The following CEACAM4 variants were observed in gnomAD, a reference collection of about 807,000 sequenced individuals.
CEACAM4 encodes the protein cell adhesion molecule CEACAM4.
Under a neutral mutation model 28.7 loss-of-function variants are expected in CEACAM4, and 30 were observed. The ratio of observed to expected loss-of-function variants is 1.05; its 90% CI spans 0.78 to 1.42. The LOEUF is 1.42. Ranked by LOEUF, CEACAM4 falls within the 40% of genes most tolerant of loss-of-function variation. The pLI is 0.00. For missense variants in CEACAM4, 330 were observed against 308.2 expected, an observed-to-expected ratio of 1.07 and a Z score of -0.53; for synonymous variants, 143 against 126.5, an observed-to-expected ratio of 1.13 and a Z score of -0.87.
intron 3 of CEACAM4, among the ~76,000 whole-genome samples, chr19:41,621,021 T>C (rs781802160): frequency 3.9e-5 from 6 of 151,938 alleles, no homozygotes; most frequent in Non-Finnish European, 8.8e-5. Context: ...GCAAGGAGCA[T>C]GTATCATATT....
At chr19:41,622,704 A>C (rs2071364701) in intron 2 of CEACAM4, among the ~76,000 whole-genome samples, 1 of 152,222 alleles carries the variant, frequency 6.6e-6, no homozygotes, top group South Asian at 2.1e-4. Flanking sequence ...CATCAAAAAA[A>C]TAAGAATACT....
chr19:41,622,871 T>TAGAC (rs1270239663), intron 2 of CEACAM4, among the ~76,000 whole-genome samples: 1 of 126,468 alleles, frequency 7.9e-6, no homozygotes, highest in Non-Finnish European at 1.6e-5. Flanking sequence ...GATAGATAGA[T>TAGAC]AGATAGATAG....
chr19:41,622,476 T>C (rs1406957974), intron 2 of CEACAM4, among the ~76,000 whole-genome samples: 1 of 152,146 alleles, frequency 6.6e-6, no homozygotes, highest in African/African-American at 2.4e-5. Context: ...TCATTGACTA[T>C]TTTCAGGGGT....
chr19:41,621,963 A>T (rs183900488), intron 2 of CEACAM4, among the ~76,000 whole-genome samples, 195 bp from the exon 3 acceptor site: 1 of 152,240 alleles, frequency 6.6e-6, no homozygotes, highest in African/African-American at 2.4e-5. Context: ...CAGACTTGAC[A>T]CACTGGGATG....
At chr19:41,615,544 G>T (rs1479073320), downstream of CEACAM4, among the ~76,000 whole-genome samples, 1 of 152,080 alleles carries the variant, frequency 6.6e-6, no homozygotes, top group Non-Finnish European at 1.5e-5. Context: ...AGAGAACAAG[G>T]CCCCTGGTGA....
chr19:41,626,409 G>A (rs966034394), intron 1 of CEACAM4, among the ~76,000 whole-genome samples: 3 of 152,108 alleles, frequency 2.0e-5, no homozygotes, highest in African/African-American at 4.8e-5. Flanking sequence ...CCATGAGAGC[G>A]TGAGCTCTGT....
chr19:41,625,317 C>T (rs540962296), intron 2 of CEACAM4, among the ~76,000 whole-genome samples: 4 of 152,278 alleles, frequency 2.6e-5, no homozygotes, highest in African/African-American at 9.6e-5. Flanking sequence ...GGGTCTTTCT[C>T]AGGGTCAGGT....
downstream of CEACAM4, among the ~76,000 whole-genome samples, chr19:41,615,364 G>A (rs1310934024): frequency 6.6e-6 from 1 of 152,086 alleles, no homozygotes; most frequent in African/African-American, 2.4e-5. Context: ...AGGGGTGGGA[G>A]GAGAGGGATG....
chr19:41,618,668 G>T (rs746370941), downstream of CEACAM4, among the ~76,000 whole-genome samples: 2 of 152,174 alleles, frequency 1.3e-5, no homozygotes, highest in African/African-American at 2.4e-5. Flanking sequence ...GGTTGCTCCC[G>T]CATTGCTCAC....
intron 3 of CEACAM4, 84 bp from the exon 4 acceptor site, chr19:41,620,711 A>C: frequency 8.5e-7 from 1 of 1,176,784 alleles, no homozygotes; most frequent in Admixed American, 2.0e-5. Flanking sequence ...AAGGGACTCC[A>C]TTTTCAAGGA....
chr19:41,622,690 A>G (rs1555802052), intron 2 of CEACAM4, among the ~76,000 whole-genome samples: 3 of 152,192 alleles, frequency 2.0e-5, no homozygotes, highest in Admixed American at 1.3e-4. Context: ...ATTGCCAATA[A>G]CAACATCAAA....
intron 2 of CEACAM4, among the ~76,000 whole-genome samples, chr19:41,622,501 G>T (rs2071354506): frequency 6.6e-6 from 1 of 152,112 alleles, no homozygotes; most frequent in African/African-American, 2.4e-5. Context: ...CATGTGCCAG[G>T]CACAGTGGGC....
chr19:41,618,697 G>T (rs1443660729), downstream of CEACAM4, among the ~76,000 whole-genome samples: 2 of 152,176 alleles, frequency 1.3e-5, no homozygotes, highest in African/African-American at 4.8e-5. Context: ...GACATCAGAT[G>T]GCCCCATCTT....
chr19:41,622,997 G>C (rs2071401584), intron 2 of CEACAM4, among the ~76,000 whole-genome samples: 1 of 152,130 alleles, frequency 6.6e-6, no homozygotes, highest in Non-Finnish European at 1.5e-5. Flanking sequence ...GCAGCCTTTA[G>C]CATATTAGCC....
At chr19:41,617,567 G>T (rs941725760), downstream of CEACAM4, among the ~76,000 whole-genome samples, 3 of 152,208 alleles carry the variant, frequency 2.0e-5, no homozygotes, top group Non-Finnish European at 4.4e-5. Context: ...TATCCCAGGT[G>T]CGTCCAAAAT....
At chr19:41,618,624 C>A (rs1198214444), downstream of CEACAM4, among the ~76,000 whole-genome samples, 1 of 152,132 alleles carries the variant, frequency 6.6e-6, no homozygotes, top group Non-Finnish European at 1.5e-5. Context: ...CTGGAGGCTG[C>A]GTAGGGGCCA....
At chr19:41,619,640 G>T in intron 6 of CEACAM4, 30 bp downstream of exon 6, 1 of 1,583,668 alleles carries the variant, frequency 6.3e-7, no homozygotes, top group Non-Finnish European at 8.6e-7. Flanking sequence ...TGGAGCCTGC[G>T]GGACCAGAAC....
Position 41,627,036 on chromosome 19 carries a change from A to ACTGTCGG in CEACAM4, c.-80_-74dup. 1 of 1,364,930 alleles carries ACTGTCGG rather than the reference A, an allele frequency of 7.3e-7. No individual in the cohort carries two copies. The highest frequency in any genetic ancestry group is 1.4e-5 in the South Asian group (1 of 74,052). The allele number at this position is 1,364,930 out of a possible 1,614,324, so 84.6% of individuals were successfully genotyped here. On this transcript the variant is annotated 5_prime_UTR_variant, in exon 1 of 7. Coordinates refer to ENST00000221954, the MANE Select transcript of CEACAM4 (RefSeq NM_001817.4). ...GAACGCTCTTGTCAGAGCTGCTGTG[A>ACTGTCGG]CTGTCGGCTGTCGGGGCTGCTGACC...
intron 5 of CEACAM4, 87 bp downstream of exon 5, chr19:41,620,124 C>T: frequency 8.2e-7 from 1 of 1,221,102 alleles, no homozygotes; most frequent in South Asian, 1.5e-5. Context: ...TGGGTCAGTG[C>T]TGTGCTGTGG....
Sources: gnomAD v4.1 joint callset for allele counts (sites outside exome capture counted in the v4.1 genomes callset) on GRCh38, gnomAD v4.1.1 for gene constraint, MANE v1.5 for transcripts, NCBI Gene and HGNC (gene_info 2026-07-23, HGNC 2026-07-21) for gene names.